Variants in SEMA3E observed in about 807,000 individuals in gnomAD.
SEMA3E encodes semaphorin 3E, also known as semaphorin-3E.
Under a neutral mutation model 93.6 loss-of-function variants are expected in SEMA3E, and 49 were observed. The observed-to-expected ratio is 0.52, with a 90% CI of 0.42 to 0.66. SEMA3E has a LOEUF of 0.66. Ranked by LOEUF, SEMA3E falls within the 30% of genes least tolerant of loss-of-function variation. The pLI is 0.00. For synonymous variants in SEMA3E, 363 were observed against 330.7 expected (o/e 1.10, Z -1.06); for missense variants, 906 against 964.8 (o/e 0.94, Z 0.81).
chr7:83,501,453 C>G (rs1032327236), intron 1 of SEMA3E, among the ~76,000 whole-genome samples: 1 of 151,874 alleles, frequency 6.6e-6, no homozygotes, highest in South Asian at 2.1e-4. Context: ...CTATCATCTA[C>G]TTTTTTTTGT....
intron 16 of SEMA3E, chr7:83,372,208 A>G: frequency 2.5e-6 from 1 of 398,060 alleles, no homozygotes; most frequent in Non-Finnish European, 4.4e-6. Context: ...AATAAGAAGG[A>G]GCAAACATGG....
At chr7:83,627,401 T>C (rs765819392) in intron 1 of SEMA3E, among the ~76,000 whole-genome samples, 1 of 152,118 alleles carries the variant, frequency 6.6e-6, no homozygotes, top group African/African-American at 2.4e-5. Context: ...ATTAGGTGCA[T>C]ATATATTTAG....
chr7:83,423,581 G>T (rs1036732102), intron 4 of SEMA3E, among the ~76,000 whole-genome samples: 4 of 148,090 alleles, frequency 2.7e-5, no homozygotes, highest in African/African-American at 1.0e-4. Flanking sequence ...TCGGCTCACT[G>T]CAAGCTCTGC....
intron 16 of SEMA3E, among the ~76,000 whole-genome samples, chr7:83,380,457 T>G (rs1328060036): frequency 3.3e-5 from 5 of 152,058 alleles, no homozygotes; most frequent in Admixed American, 2.0e-4. Flanking sequence ...TGTCTACTCA[T>G]TTTTGCATCC....
At chr7:83,643,033 G>C (rs1794034938) in intron 1 of SEMA3E, among the ~76,000 whole-genome samples, 2 of 152,154 alleles carry the variant, frequency 1.3e-5, no homozygotes, top group South Asian at 4.1e-4. Context: ...AAGTCTCAAT[G>C]ATGATTCCTT....
rs1054888319 is a variant in SEMA3E at position 83,412,773 on chromosome 7, A to AAAC, written c.551-4287_551-4286insGTT. ...GCCTAAAAAAAGATAAAAAAAAAAA[A>AAAC]AAAAACACACAGGATAAGATCTTAA... On this transcript the variant is annotated intron_variant, in intron 5 of 16. Transcript: ENST00000643230. Among the ~76,000 whole-genome samples, 3 of 151,862 alleles carry AAAC rather than the reference A, an allele frequency of 2.0e-5. 1 individual carries two copies. Among genetic ancestry groups the AAAC allele is most frequent in the African/African-American group, 7.3e-5 (3 of 41,280 alleles).
At position 83,407,184 on chromosome 7, in the gene SEMA3E, G is replaced by A. The variant is rs140291139; in HGVS notation, c.726C>T (p.Asn242=). 3.1e-5 allele frequency: 50 copies of A among 1,613,380 alleles called. No homozygotes were observed. In the African/African-American group the frequency reaches 4.1e-4, roughly 13 times the overall value. The change falls in exon 7 of 17, where the codon AAC becomes AAT. Residue 242 remains asparagine, a synonymous_variant. Coordinates refer to ENST00000643230, the MANE Select transcript of SEMA3E (RefSeq NM_012431.3). Reference sequence around the variant, plus strand: ...TCTCAGTAAAAAAGAAATATACTTTGTTGTCATCTCTGTCTTCATTGTCAG... The same window carrying A: ...TCTCAGTAAAAAAGAAATATACTTTATTGTCATCTCTGTCTTCATTGTCAG... The part of the protein sequence containing the change: ...MIPDNEDRDD[N]KVYFFFTEKA...
intron 1 of SEMA3E, among the ~76,000 whole-genome samples, chr7:83,498,967 T>C (rs973588337): frequency 1.3e-5 from 2 of 152,182 alleles, no homozygotes; most frequent in African/African-American, 4.8e-5. Flanking sequence ...ACAAATTAGA[T>C]GTATAAATCT....
intron 1 of SEMA3E, among the ~76,000 whole-genome samples, chr7:83,495,503 T>C (rs1790473472): frequency 6.6e-6 from 1 of 151,892 alleles, no homozygotes; most frequent in South Asian, 2.1e-4. Context: ...GCAGTAAACT[T>C]TGATAAATCA....
intron 1 of SEMA3E, among the ~76,000 whole-genome samples, chr7:83,589,309 A>G (rs1792703686): frequency 1.3e-5 from 2 of 151,824 alleles, no homozygotes; most frequent in Non-Finnish European, 2.9e-5. Context: ...TTTCTTTCCT[A>G]CCTGAGATTA....
intron 14 of SEMA3E, among the ~76,000 whole-genome samples, chr7:83,391,574 T>C (rs532229639): frequency 6.7e-6 from 1 of 149,476 alleles, no homozygotes; most frequent in Non-Finnish European, 1.5e-5. Flanking sequence ...TCTCGAAGCA[T>C]AATTTTACTA....
chr7:83,530,890 A>C (rs915572413), intron 1 of SEMA3E, among the ~76,000 whole-genome samples: 3 of 152,120 alleles, frequency 2.0e-5, no homozygotes, highest in Non-Finnish European at 2.9e-5. Context: ...GGAAAAAAAA[A>C]ATTCAAGGTT....
intron 1 of SEMA3E, among the ~76,000 whole-genome samples, chr7:83,492,222 G>A (rs1790400931): frequency 6.7e-6 from 1 of 149,968 alleles, no homozygotes; most frequent in South Asian, 2.1e-4. Context: ...TGGGAAATAA[G>A]AGAAAGTCAT....
intron 1 of SEMA3E, among the ~76,000 whole-genome samples, chr7:83,511,653 G>A (rs1407110338): frequency 1.3e-5 from 2 of 152,082 alleles, no homozygotes; most frequent in Non-Finnish European, 2.9e-5. Context: ...GGAAGGGCGA[G>A]ACAGGTGGAT....
At chr7:83,410,507 A>T (rs1190192302) in intron 5 of SEMA3E, among the ~76,000 whole-genome samples, 2 of 152,108 alleles carry the variant, frequency 1.3e-5, no homozygotes, top group Non-Finnish European at 2.9e-5. Context: ...TAAGCATATC[A>T]TGTTATTTGA....
chr7:83,470,783 C>A (rs574759102), intron 2 of SEMA3E, among the ~76,000 whole-genome samples: 19 of 151,856 alleles, frequency 1.3e-4, no homozygotes, highest in African/African-American at 4.6e-4. Flanking sequence ...TTTTGAGTTC[C>A]CTCAATAGTC....
At chr7:83,382,869 T>C (rs151221150) in intron 16 of SEMA3E, among the ~76,000 whole-genome samples, 150 of 152,014 alleles carry the variant, frequency 9.9e-4, no homozygotes, top group African/African-American at 3.3e-3. Flanking sequence ...AAGTAGACAA[T>C]TGAGTTTCTA....
rs755322226 is a variant in SEMA3E at position 83,385,244 on chromosome 7, C to G, written c.1875+50G>C. 32 of 1,597,490 alleles carry G rather than the reference C, an allele frequency of 2.0e-5. No homozygotes were observed. The Admixed American group carries it at 5.4e-4, about 27-fold the overall frequency. ...CCAAATAAATCATCTATTTACTGATCACACACTATATGCAAAATACTATGT... is the reference window on the plus strand; with the variant it reads ...CCAAATAAATCATCTATTTACTGATGACACACTATATGCAAAATACTATGT... On this transcript the variant is annotated intron_variant, in intron 16 of 16. Transcript: ENST00000643230.
intron 4 of SEMA3E, among the ~76,000 whole-genome samples, chr7:83,432,066 G>A (rs910256598): frequency 6.6e-6 from 1 of 151,660 alleles, no homozygotes; most frequent in Non-Finnish European, 1.5e-5. Context: ...GTGCAGTGCA[G>A]CCTTTGAATC....
Sources: allele counts gnomAD v4.1 joint callset (sites outside exome capture counted in the v4.1 genomes callset), GRCh38; gene constraint gnomAD v4.1.1; transcripts MANE v1.5; gene names NCBI Gene and HGNC (gene_info 2026-07-23, HGNC 2026-07-21).